Variants in ZSWIM9 observed in about 807,000 individuals in gnomAD.
ZSWIM9 encodes uncharacterized protein ZSWIM9.
Under a neutral mutation model 25.0 loss-of-function variants are expected in ZSWIM9, and 11 were observed. The observed-to-expected ratio is 0.44, with a 90% confidence interval of 0.28 to 0.73. The LOEUF (loss-of-function observed/expected upper bound fraction) is 0.73. Among genes scored for constraint, ZSWIM9 ranks in the 30% least tolerant of loss-of-function variants. The pLI is 0.16. For synonymous variants in ZSWIM9, 562 were observed against 582.1 expected (o/e 0.97, Z 0.50); for missense variants, 1,070 against 1,296.5 (o/e 0.83, Z 2.68).
chr19:48,173,215 AAG>A (rs2036858499), intron 2 of ZSWIM9, among the ~76,000 whole-genome samples: 1 of 152,224 alleles, frequency 6.6e-6, no homozygotes, highest in Admixed American at 6.5e-5. Flanking sequence ...CAACTGTGCA[AAG>A]AGGGGCAGGT....
intron 3 of ZSWIM9, among the ~76,000 whole-genome samples, chr19:48,187,030 A>C (rs372717372): frequency 6.6e-5 from 10 of 152,092 alleles, no homozygotes; most frequent in African/African-American, 2.4e-4. Context: ...TGCCTTCTGC[A>C]AAACTGGCCT....
chr19:48,195,934 G>A lies in ZSWIM9; in HGVS notation c.1870G>A (p.Gly624Arg). 1.5e-6 allele frequency: 2 copies of A among 1,343,530 alleles called. No homozygotes were observed. The highest frequency in any genetic ancestry group is 1.9e-6 in the Non-Finnish European group (2 of 1,052,164). 83.2% of individuals were successfully genotyped at this position (1,343,530 alleles called of 1,614,324 possible). A position where few individuals can be genotyped will look rare whatever the true frequency, so the allele number is the denominator to read the frequency against. ...CTATGAGAGGGTCAGGAGTCTTGAA[G>A]GAAGCCCCTGGAGGGGGGCGCAGCT... is the stretch of plus-strand genomic sequence containing the variant. ...FDYERVRSLE[G>R]SPWRGAQLHD... The change falls in exon 4 of 4, where the codon GGA becomes AGA. Residue 624 changes from glycine (G) to arginine (R), a missense_variant. By Grantham distance (125) the Gly-to-Arg change is moderately radical. This residue lies in a region of ZSWIM9 where 583 missense variants were observed against 624.7 expected (regional missense o/e 0.93). Coordinates refer to ENST00000614654, the MANE Select transcript of ZSWIM9 (RefSeq NM_199341.4). The surrounding 1 kb of genome is among the most constrained non-coding windows in gnomAD (Gnocchi z 5.8).
At chr19:48,177,323 C>T (rs2036903681) in intron 2 of ZSWIM9, among the ~76,000 whole-genome samples, 1 of 152,062 alleles carries the variant, frequency 6.6e-6, no homozygotes. Context: ...GGAATGGAGA[C>T]CATATCCCAG....
rs1599936994 is a variant in ZSWIM9, at chr19:48,194,552, G to T, written c.589-101G>T. On this transcript the variant is annotated intron_variant, in intron 3 of 3. Coordinates refer to ENST00000614654, the MANE Select transcript of ZSWIM9 (RefSeq NM_199341.4). This position sits in a 1 kb window ranked among gnomAD's most constrained non-coding sequence, Gnocchi z 6.0. ...CATATGCAGGCAAGAATGAATGGGT[G>T]GTCCCATTTCCGTAGAAGGGGAAAC... 1 of 350,804 alleles carries T rather than the reference G, an allele frequency of 2.9e-6. No individual in the cohort carries two copies. The highest frequency in any genetic ancestry group is 6.4e-5 in the African/African-American group (1 of 15,580). 21.7% of individuals were successfully genotyped at this position (350,804 alleles called of 1,614,324 possible).
intron 3 of ZSWIM9, among the ~76,000 whole-genome samples, chr19:48,192,157 C>G (rs1369065201): frequency 6.6e-6 from 1 of 151,876 alleles, no homozygotes; most frequent in Non-Finnish European, 1.5e-5. Flanking sequence ...TCTCCTCTCA[C>G]TCAGTGGTGT....
At chr19:48,189,989 G>A (rs780568440) in intron 3 of ZSWIM9, among the ~76,000 whole-genome samples, 3 of 152,074 alleles carry the variant, frequency 2.0e-5, no homozygotes, top group Non-Finnish European at 2.9e-5. Context: ...GATCACTTGA[G>A]GTCAAGAGTT....
In ZSWIM9 at chr19:48,196,311, G is replaced by A; in HGVS notation, c.2247G>A (p.Met749Ile). ...VGPKSRAGRGMEWGDAGGRCL... is the reference protein window; with the variant it reads ...VGPKSRAGRGIEWGDAGGRCL... The stretch of plus-strand genomic sequence containing the variant: ...CCAAGAGCCGAGCCGGACGAGGGAT[G>A]GAGTGGGGAGACGCAGGAGGGCGGT... Residue 749 changes from methionine (M) to isoleucine (I), a missense_variant, in exon 4 of 4, where the codon ATG becomes ATA. Met to Ile is a conservative substitution (Grantham distance 10). This residue lies in a region of ZSWIM9 where 583 missense variants were observed against 624.7 expected (regional missense o/e 0.93). Transcript: ENST00000614654. 8.1e-7 allele frequency: 1 copy of A among 1,233,658 alleles called. No individual in the cohort carries two copies. Among genetic ancestry groups the A allele is most frequent in the African/African-American group, 1.5e-5 (1 of 64,550 alleles). 76.4% of individuals were successfully genotyped at this position (1,233,658 alleles called of 1,614,324 possible). A position where few individuals can be genotyped will look rare whatever the true frequency, so the allele number is the denominator to read the frequency against.
chr19:48,180,122 T>C (rs1324343142), intron 2 of ZSWIM9, among the ~76,000 whole-genome samples: 1 of 152,132 alleles, frequency 6.6e-6, no homozygotes, highest in Non-Finnish European at 1.5e-5. Flanking sequence ...GTTCAAGCGA[T>C]TCTCCTGCCT....
chr19:48,193,536 G>C (rs1375278111), intron 3 of ZSWIM9, among the ~76,000 whole-genome samples: 2 of 152,172 alleles, frequency 1.3e-5, no homozygotes, highest in African/African-American at 2.4e-5. Flanking sequence ...CTGTGCTTGT[G>C]GGGCTTCCAT....
In ZSWIM9 at chr19:48,195,763, G is replaced by C; in HGVS notation, c.1699G>C (p.Glu567Gln). 1 of 1,489,816 alleles carries C rather than the reference G, an allele frequency of 6.7e-7. No homozygotes were observed. The highest frequency in any genetic ancestry group is 8.9e-7 in the Non-Finnish European group (1 of 1,127,400). 92.3% of individuals were successfully genotyped at this position (1,489,816 alleles called of 1,614,324 possible). A position where few individuals can be genotyped will look rare whatever the true frequency, so the allele number is the denominator to read the frequency against. ...CTGGAGGGGGCCCCAGTTGGAGGGTGAGAAAGATTGGGGACTGGAAGGTTA... is the reference window on the plus strand; with the variant it reads ...CTGGAGGGGGCCCCAGTTGGAGGGTCAGAAAGATTGGGGACTGGAAGGTTA... ...RDWRGPQLEGEKDWGLEGYVW... is the reference protein window; with the variant it reads ...RDWRGPQLEGQKDWGLEGYVW... Residue 567 changes from glutamate to glutamine, a missense_variant, in exon 4 of 4, where the codon GAG becomes CAG. By Grantham distance (29) the Glu-to-Gln change is conservative. Around this residue, in one of 4 missense-constraint regions of ZSWIM9, gnomAD observed 583 missense variants for 624.7 expected, o/e 0.93. Coordinates refer to ENST00000614654, the MANE Select transcript of ZSWIM9 (RefSeq NM_199341.4). The surrounding 1 kb of genome is among the most constrained non-coding windows in gnomAD (Gnocchi z 5.8).
Position 48,197,586 on chromosome 19 carries a change from T to G in ZSWIM9, c.*759T>G. 2.7e-6 allele frequency: 1 copy of G among 366,228 alleles called. No homozygotes were observed. The highest frequency in any genetic ancestry group is 5.0e-6 in the Non-Finnish European group (1 of 199,086). The allele number at this position is 366,228 out of a possible 1,614,324, so 22.7% of individuals were successfully genotyped here. On this transcript the variant is annotated 3_prime_UTR_variant, in exon 4 of 4. Transcript: ENST00000614654. ...GGGAGGGGAATTGTTTGGACTATTG[T>G]TCTTCAGGATTGGAATAAAACAATC... is the stretch of plus-strand genomic sequence containing the variant.
intron 3 of ZSWIM9, among the ~76,000 whole-genome samples, chr19:48,192,573 A>G (rs1303394503): frequency 6.9e-6 from 1 of 144,778 alleles, no homozygotes; most frequent in Non-Finnish European, 1.5e-5. Context: ...AATGCCGCCC[A>G]TGCATGTTCT....
At chr19:48,180,341 T>TTTGA (rs2036935168) in intron 2 of ZSWIM9, among the ~76,000 whole-genome samples, 3 of 150,208 alleles carry the variant, frequency 2.0e-5, no homozygotes, top group Admixed American at 6.7e-5. Context: ...TTTTTTTTTT[T>TTTGA]GAGAGGTAGG....
chr19:48,176,851 C>G (rs2036898317), intron 2 of ZSWIM9, among the ~76,000 whole-genome samples: 1 of 151,500 alleles, frequency 6.6e-6, no homozygotes, highest in African/African-American at 2.4e-5. Flanking sequence ...ATTGCCTGAG[C>G]TCAGGAGTTT....
At position 48,196,949 on chromosome 19, in the gene ZSWIM9, T is replaced by C; in HGVS notation, c.*122T>C. ...GTCCCCCTGGCCACCTTCTGGGTCATCCAGGGACCTCCTCATGGCAGTTTG... is the reference window on the plus strand; with the variant it reads ...GTCCCCCTGGCCACCTTCTGGGTCACCCAGGGACCTCCTCATGGCAGTTTG... On this transcript the variant is annotated 3_prime_UTR_variant, in exon 4 of 4. Transcript: ENST00000614654. 1 of 1,004,084 alleles carries C rather than the reference T, an allele frequency of 1.0e-6. No individual in the cohort carries two copies. Among genetic ancestry groups the C allele is most frequent in the Non-Finnish European group, 1.3e-6 (1 of 759,930 alleles). The allele number at this position is 1,004,084 out of a possible 1,614,324, so 62.2% of individuals were successfully genotyped here.
chr19:48,195,263 T>G lies in ZSWIM9; in HGVS notation c.1199T>G (p.Leu400Arg). ...RFRAFEAARDLDACALVRGHR... is the reference protein window; with the variant it reads ...RFRAFEAARDRDACALVRGHR... ...CGCGCCTTCGAGGCGGCCAGAGACC[T>G]GGACGCGTGTGCCCTGGTGCGAGGC... Residue 400 changes from leucine (L) to arginine (R), a missense_variant, in exon 4 of 4, where the codon CTG (leucine) becomes CGG (arginine). Physicochemically the swap from Leu to Arg is moderately radical, Grantham distance 102. Coordinates refer to ENST00000614654, the MANE Select transcript of ZSWIM9 (RefSeq NM_199341.4). The surrounding 1 kb of genome is among the most constrained non-coding windows in gnomAD (Gnocchi z 5.8). 1 of 1,529,948 alleles carries G rather than the reference T, an allele frequency of 6.5e-7. No individual in the cohort carries two copies. 94.8% of individuals were successfully genotyped at this position (1,529,948 alleles called of 1,614,324 possible). A position where few individuals can be genotyped will look rare whatever the true frequency, so the allele number is the denominator to read the frequency against.
Position 48,195,051 on chromosome 19 carries a change from G to C in ZSWIM9, c.987G>C (p.Ala329=). Residue 329 remains alanine (A), a synonymous_variant, in exon 4 of 4, where the codon GCG becomes GCC. Transcript: ENST00000614654. This position sits in a 1 kb window ranked among gnomAD's most constrained non-coding sequence, Gnocchi z 5.8. ...GCCTGGAGACGCTCTTCAGCAAGGC[G>C]CAGGAGCTGGGCGGCGCCGGCCGCG... The part of the protein sequence containing the change: ...AQGLETLFSK[A]QELGGAGRED... 7.2e-7 allele frequency: 1 copy of C among 1,379,862 alleles called. No homozygotes were observed. The highest frequency in any genetic ancestry group is 9.3e-7 in the Non-Finnish European group (1 of 1,074,860). The allele number at this position is 1,379,862 out of a possible 1,614,324, so 85.5% of individuals were successfully genotyped here.
intron 2 of ZSWIM9, among the ~76,000 whole-genome samples, chr19:48,173,485 G>T (rs1041389542): frequency 6.6e-6 from 1 of 151,980 alleles, no homozygotes; most frequent in Non-Finnish European, 1.5e-5. Flanking sequence ...TTGTAGTAGA[G>T]ATGGGGTGTC....
At chr19:48,192,467 A>ATGTAT (rs1186774255) in intron 3 of ZSWIM9, among the ~76,000 whole-genome samples, 18 of 37,124 alleles carry the variant, frequency 4.8e-4, no homozygotes, top group East Asian at 1.7e-3. Flanking sequence ...AAAAAAAAAA[A>ATGTAT]AAAAAAAAAA....
Sources: gnomAD v4.1 joint callset for allele counts (sites outside exome capture counted in the v4.1 genomes callset) on GRCh38, gnomAD v4.1.1 for gene constraint, gnomAD v4.1.1 regional missense constraint, Gnocchi (gnomAD v3.1) non-coding constraint, MANE v1.5 for transcripts, NCBI Gene and HGNC (gene_info 2026-07-23, HGNC 2026-07-21) for gene names.